The following NTM variants were observed in gnomAD, a reference collection of about 807,000 sequenced individuals.
NTM encodes IgLON family member 2.
Under a neutral mutation model 42.1 loss-of-function variants are expected in NTM, and 13 were observed. That is an observed-to-expected ratio of 0.31 (90% confidence interval 0.20 to 0.49). The LOEUF (loss-of-function observed/expected upper bound fraction) is 0.49, where lower values mean the gene tolerates loss of function less well. Among genes scored for constraint, NTM ranks in the 20% least tolerant of loss-of-function variants. The probability of loss-of-function intolerance (pLI) is 0.99; values close to 1 mark genes in which losing one functional copy is unlikely to be tolerated. For synonymous variants in NTM, 187 were observed against 179.2 expected, an observed-to-expected ratio of 1.04 and a Z score of -0.35; for missense variants, 373 against 452.8, an observed-to-expected ratio of 0.82 and a Z score of 1.60.
intron 2 of NTM, among the ~76,000 whole-genome samples, chr11:131,992,764 G>A (rs2067259946): frequency 1.3e-5 from 2 of 152,182 alleles, no homozygotes; most frequent in Admixed American, 1.3e-4. Context: ...TGGGTCTGGT[G>A]CCTACACTTG....
intron 2 of NTM, among the ~76,000 whole-genome samples, chr11:132,125,164 A>G (rs1253280403): frequency 2.6e-5 from 4 of 152,242 alleles, no homozygotes; most frequent in African/African-American, 4.8e-5. Flanking sequence ...ATGCAAACAA[A>G]GATGAGGCGA....
At chr11:132,128,664 C>T (rs1026993341) in intron 2 of NTM, among the ~76,000 whole-genome samples, 2 of 151,888 alleles carry the variant, frequency 1.3e-5, no homozygotes, top group African/African-American at 2.4e-5. Flanking sequence ...CCTGTAATCC[C>T]AGCACTTTGG....
intron 1 of NTM, among the ~76,000 whole-genome samples, chr11:131,455,974 G>A (rs1030626279): frequency 3.3e-5 from 5 of 152,186 alleles, no homozygotes; most frequent in Non-Finnish European, 7.4e-5. Context: ...AAGGAGAAAT[G>A]TTATTCATTG....
At chr11:131,381,336 C>G (rs1942653941) in intron 1 of NTM, among the ~76,000 whole-genome samples, 1 of 152,190 alleles carries the variant, frequency 6.6e-6, no homozygotes, top group South Asian at 2.1e-4. Flanking sequence ...TCTTCCTGAA[C>G]AGTCAAGAGG....
At chr11:132,278,867 T>G (rs2093849979) in intron 4 of NTM, among the ~76,000 whole-genome samples, 1 of 151,740 alleles carries the variant, frequency 6.6e-6, no homozygotes, top group Admixed American at 6.6e-5. Context: ...CTCCTTGTAT[T>G]TCATTCAACC....
intron 1 of NTM, among the ~76,000 whole-genome samples, chr11:131,560,421 G>A (rs889974393): frequency 4.6e-5 from 7 of 152,166 alleles, no homozygotes; most frequent in Non-Finnish European, 1.5e-5. Context: ...CAATTCTCTA[G>A]TAATCATATG....
intron 2 of NTM, among the ~76,000 whole-genome samples, chr11:131,944,670 A>G (rs1398107031): frequency 6.6e-6 from 1 of 152,152 alleles, no homozygotes; most frequent in African/African-American, 2.4e-5. Context: ...GCATGCTTAG[A>G]GTGTTTAAGA....
At chr11:131,599,386 A>ATGCCCCGTCTACCCAGTCTCC (rs1565688155) in intron 1 of NTM, among the ~76,000 whole-genome samples, 5 of 121,032 alleles carry the variant, frequency 4.1e-5, no homozygotes, top group African/African-American at 1.3e-4. Flanking sequence ...TCTCCGGCAG[A>ATGCCCCGTCTACCCAGTCTCC]GCTAGTCACA....
At chr11:131,383,107 C>T (rs369314979) in intron 1 of NTM, among the ~76,000 whole-genome samples, 1 of 152,126 alleles carries the variant, frequency 6.6e-6, no homozygotes. Context: ...TTTTTCGATC[C>T]CGATGAGATG....
chr11:132,080,241 G>A (rs1266027556), intron 2 of NTM, among the ~76,000 whole-genome samples: 1 of 152,192 alleles, frequency 6.6e-6, no homozygotes, highest in Non-Finnish European at 1.5e-5. Context: ...GCAACTGAAA[G>A]TGAGCTTACA....
intron 1 of NTM, among the ~76,000 whole-genome samples, chr11:131,659,698 A>T (rs896937189): frequency 6.6e-6 from 1 of 152,138 alleles, no homozygotes; most frequent in Admixed American, 6.5e-5. Flanking sequence ...TAACATACCA[A>T]TGTGATCGGG....
chr11:131,778,326 CA>C (rs1341802020), intron 1 of NTM, among the ~76,000 whole-genome samples: 4 of 152,202 alleles, frequency 2.6e-5, no homozygotes, highest in Non-Finnish European at 5.9e-5. Flanking sequence ...AGTCTTAATT[CA>C]AAAGCCATCA....
chr11:131,546,925 C>A (rs1244189432), intron 1 of NTM, among the ~76,000 whole-genome samples: 1 of 152,170 alleles, frequency 6.6e-6, no homozygotes, highest in Non-Finnish European at 1.5e-5. Flanking sequence ...GCTAGGCTGT[C>A]TTTTCCTTGT....
intron 2 of NTM, among the ~76,000 whole-genome samples, chr11:131,947,144 T>C (rs1234185240): frequency 6.6e-6 from 1 of 152,216 alleles, no homozygotes; most frequent in Non-Finnish European, 1.5e-5. Flanking sequence ...GTCTAATTTA[T>C]ATATATTTAA....
intron 1 of NTM, among the ~76,000 whole-genome samples, chr11:131,744,233 T>C (rs533744366): frequency 6.6e-6 from 1 of 152,350 alleles, no homozygotes; most frequent in Middle Eastern, 3.4e-3. Context: ...TGTAAAGTGC[T>C]AAGTATTACT....
At chr11:132,180,741 C>T (rs2077449565) in intron 3 of NTM, among the ~76,000 whole-genome samples, 1 of 152,088 alleles carries the variant, frequency 6.6e-6, no homozygotes, top group Non-Finnish European at 1.5e-5. Context: ...ATGATTACCA[C>T]CAGAGTTGGT....
chr11:132,288,484 T>A (rs986357615), intron 4 of NTM, among the ~76,000 whole-genome samples: 3 of 152,244 alleles, frequency 2.0e-5, no homozygotes, highest in Non-Finnish European at 4.4e-5. Flanking sequence ...TATGTTTTAA[T>A]GCATACATCA....
intron 7 of NTM, among the ~76,000 whole-genome samples, chr11:132,324,849 C>G (rs942575063): frequency 5.3e-4 from 79 of 150,184 alleles, no homozygotes; most frequent in African/African-American, 1.8e-3. Context: ...AGAACAGAGC[C>G]CTGAGAAATA....
chr11:132,156,294 T>A (rs2073177727), intron 3 of NTM, among the ~76,000 whole-genome samples: 1 of 152,236 alleles, frequency 6.6e-6, no homozygotes, highest in African/African-American at 2.4e-5. Flanking sequence ...GTATTTTTTC[T>A]TGTTATTTCT....
Sources: gnomAD v4.1 joint callset for allele counts (sites outside exome capture counted in the v4.1 genomes callset) on GRCh38, gnomAD v4.1.1 for gene constraint, MANE v1.5 for transcripts, NCBI Gene and HGNC (gene_info 2026-07-23, HGNC 2026-07-21) for gene names.